Variants in BIRC3 observed in about 807,000 individuals in gnomAD.
BIRC3 encodes the protein baculoviral IAP repeat-containing protein 3.
Under a neutral mutation model 59.0 loss-of-function variants are expected in BIRC3, and 26 were observed. That is an observed-to-expected ratio of 0.44 (90% CI 0.32 to 0.61). BIRC3 has a LOEUF of 0.61. Among genes scored for constraint, BIRC3 ranks in the 20% least tolerant of loss-of-function variants. BIRC3 has a pLI of 0.04. For synonymous variants in BIRC3, 243 were observed against 249.2 expected (o/e 0.98, Z 0.24); for missense variants, 641 against 711.5 (o/e 0.90, Z 1.13).
At chr11:102,335,875 G>C (rs1951190147) in intron 6 of BIRC3, 91 bp from the exon 7 acceptor site, 3 of 1,324,974 alleles carry the variant, frequency 2.3e-6, no homozygotes, top group Non-Finnish European at 3.1e-6. Flanking sequence ...ACGAATTAAA[G>C]ATAGTTTTTA....
At chr11:102,317,746 A>C (rs1043326892) in intron 1 of BIRC3, among the ~76,000 whole-genome samples, 175 bp downstream of exon 1, 1 of 152,196 alleles carries the variant, frequency 6.6e-6, no homozygotes, top group Admixed American at 6.5e-5. Flanking sequence ...GGGCGCAGTT[A>C]TCAAACACCA....
At chr11:102,335,342 T>G (rs1041970305) in intron 6 of BIRC3, among the ~76,000 whole-genome samples, 1 of 152,248 alleles carries the variant, frequency 6.6e-6, no homozygotes, top group Non-Finnish European at 1.5e-5. Flanking sequence ...CCAATTTGAC[T>G]AGATTGAATT....
In BIRC3 at chr11:102,331,177, A is replaced by G. The variant is rs768244387; in HGVS notation, c.1260A>G (p.Leu420=). Reference sequence around the variant, plus strand: ...TAGTCAATGATCTTGTGTTAGACTTACTCAATGCAGAAGATGAAATAAGGG... The same window carrying G: ...TAGTCAATGATCTTGTGTTAGACTTGCTCAATGCAGAAGATGAAATAAGGG... ...YRLVNDLVLD[L]LNAEDEIREE... Residue 420 remains leucine (L), a synonymous_variant, in exon 6 of 9, where the codon TTA becomes TTG. Transcript: ENST00000263464. 3 of 1,613,766 alleles carry G rather than the reference A, an allele frequency of 1.9e-6. No individual in the cohort carries two copies. The highest frequency in any genetic ancestry group is 2.5e-6 in the Non-Finnish European group (3 of 1,179,830).
In BIRC3 at chr11:102,324,337, G is replaced by A; in HGVS notation, c.-173G>A. On this transcript the variant is annotated 5_prime_UTR_variant, in exon 2 of 9. Transcript: ENST00000263464. ...TGTATTTCTTCCTTAAAATGTATCA[G>A]TATAGGATTTAGAATCTCCATGTTG... 3.1e-6 allele frequency: 2 copies of A among 638,944 alleles called. No homozygotes were observed. Among genetic ancestry groups the A allele is most frequent in the Non-Finnish European group, 5.1e-6 (2 of 393,906 alleles). 39.6% of individuals were successfully genotyped at this position (638,944 alleles called of 1,614,324 possible). A position where few individuals can be genotyped will look rare whatever the true frequency, so the allele number is the denominator to read the frequency against.
At position 102,323,170 on chromosome 11, in the gene BIRC3, C is replaced by G. The variant is rs1401486028; in HGVS notation, c.-1340C>G. 1 of 199,438 alleles carries G rather than the reference C, an allele frequency of 5.0e-6. No homozygotes were observed. 12.4% of individuals were successfully genotyped at this position (199,438 alleles called of 1,614,324 possible). On this transcript the variant is annotated 5_prime_UTR_variant, in exon 2 of 9. Coordinates refer to ENST00000263464, the MANE Select transcript of BIRC3 (RefSeq NM_001165.5). ...TCAGGAGGTGATAAGTTGAATAACT[C>G]TACAATGTTAGTTCTTTGAGGGGGA...
intron 5 of BIRC3, 86 bp from the exon 6 acceptor site, chr11:102,330,912 CT>C (rs1951131237): frequency 1.5e-6 from 2 of 1,335,816 alleles, no homozygotes; most frequent in Non-Finnish European, 2.0e-6. Context: ...ATTATAAAAC[CT>C]TTCAATTTTT....
At chr11:102,332,879 T>C (rs1951158419) in intron 6 of BIRC3, among the ~76,000 whole-genome samples, 1 of 152,228 alleles carries the variant, frequency 6.6e-6, no homozygotes, top group African/African-American at 2.4e-5. Flanking sequence ...ATGTCCTTCC[T>C]GTAGCCTTCT....
At chr11:102,325,417 G>A in intron 2 of BIRC3, 49 bp from the exon 3 acceptor site, 1 of 1,591,846 alleles carries the variant, frequency 6.3e-7, no homozygotes, top group East Asian at 2.2e-5. Flanking sequence ...ATACATTTTA[G>A]TGGGCAAATT....
At chr11:102,334,582 C>G (rs1199289219) in intron 6 of BIRC3, among the ~76,000 whole-genome samples, 1 of 152,112 alleles carries the variant, frequency 6.6e-6, no homozygotes, top group East Asian at 1.9e-4. Context: ...ATCTAACAAT[C>G]CTCTCTCCCA....
Position 102,337,445 on chromosome 11 carries a change from C to T in BIRC3, c.*343C>T, listed in dbSNP as rs1951208296. The T allele has an allele frequency of 2.5e-6, 1 of 400,020 alleles. No individual in the cohort carries two copies. The highest frequency in any genetic ancestry group is 4.4e-6 in the Non-Finnish European group (1 of 227,544). 24.8% of individuals were successfully genotyped at this position (400,020 alleles called of 1,614,324 possible). A position where few individuals can be genotyped will look rare whatever the true frequency, so the allele number is the denominator to read the frequency against. ...TAAATATTTTGGCATTGTACTAATA[C>T]CGGGAACATGAAGCCAGGTGTGGTG... On this transcript the variant is annotated 3_prime_UTR_variant, in exon 9 of 9. Transcript: ENST00000263464.
chr11:102,330,941 C>A, intron 5 of BIRC3, 58 bp from the exon 6 acceptor site: 2 of 1,457,478 alleles, frequency 1.4e-6, no homozygotes, highest in South Asian at 1.5e-5. Context: ...TTTCAAATTT[C>A]AATTTTTAAG....
intron 3 of BIRC3, chr11:102,326,626 A>C (rs920648961): frequency 6.9e-5 from 30 of 436,848 alleles, no homozygotes; most frequent in Admixed American, 1.9e-4. Context: ...CACTGGCAAC[A>C]AGCTGCACTG....
chr11:102,317,763 A>T, intron 1 of BIRC3, among the ~76,000 whole-genome samples, 192 bp downstream of exon 1: 1 of 152,210 alleles, frequency 6.6e-6, no homozygotes, highest in East Asian at 1.9e-4. Context: ...ACCAGGGCCC[A>T]AAAGCAGGCT....
intron 1 of BIRC3, among the ~76,000 whole-genome samples, chr11:102,320,942 A>T (rs1951025694): frequency 6.6e-6 from 1 of 152,262 alleles, no homozygotes; most frequent in South Asian, 2.1e-4. Flanking sequence ...GCAGGACTAT[A>T]GGCCCAGTGT....
chr11:102,324,654 A>C lies in BIRC3; in HGVS notation c.145A>C (p.Ser49Arg), dbSNP rs1272544210. 6.2e-7 allele frequency: 1 copy of C among 1,614,194 alleles called. No individual in the cohort carries two copies. The highest frequency in any genetic ancestry group is 1.7e-5 in the Admixed American group (1 of 60,020). Reference sequence around the variant, plus strand: ...TGCTGGGGTTCCTGTCTCAGAAAGGAGTCTTGCTCGTGCTGGTTTCTATTA... The same window carrying C: ...TGCTGGGGTTCCTGTCTCAGAAAGGCGTCTTGCTCGTGCTGGTTTCTATTA... ...FPAGVPVSER[S>R]LARAGFYYTG... The change falls in exon 2 of 9, where the codon AGT becomes CGT. Residue 49 changes from serine to arginine, a missense_variant. Physicochemically the swap from Ser to Arg is moderately radical, Grantham distance 110 (BLOSUM62 -1). Around this residue, in one of 4 missense-constraint regions of BIRC3, gnomAD observed 329 missense variants for 365.6 expected, o/e 0.90. Coordinates refer to ENST00000263464, the MANE Select transcript of BIRC3 (RefSeq NM_001165.5).
In BIRC3 at chr11:102,339,298, G is replaced by A. The variant is rs2135795046; in HGVS notation, c.*2196G>A. 1.1e-5 allele frequency: 2 copies of A among 183,998 alleles called. No individual in the cohort carries two copies. The highest frequency in any genetic ancestry group is 3.9e-3 in the Middle Eastern group (2 of 516). The allele number at this position is 183,998 out of a possible 1,614,324, so 11.4% of individuals were successfully genotyped here. ...AAAACTTTTGTTCATTTCTCATTAT[G>A]GTAATAAATAGCTATTATAACCAAC... is the stretch of plus-strand genomic sequence containing the variant. On this transcript the variant is annotated 3_prime_UTR_variant, in exon 9 of 9. Coordinates refer to ENST00000263464, the MANE Select transcript of BIRC3 (RefSeq NM_001165.5).
intron 1 of BIRC3, among the ~76,000 whole-genome samples, chr11:102,321,099 C>G (rs1951027049): frequency 6.6e-6 from 1 of 152,188 alleles, no homozygotes; most frequent in East Asian, 1.9e-4. Flanking sequence ...GGATTAAATT[C>G]AAATGAGGCA....
At chr11:102,336,483 A>G (rs1434734249) in intron 7 of BIRC3, 1 of 557,882 alleles carries the variant, frequency 1.8e-6, no homozygotes, top group Non-Finnish European at 3.1e-6. Context: ...AATCCCAGCT[A>G]CTCAAGAGGA....
Position 102,322,776 on chromosome 11 carries a change from G to C in BIRC3, c.-1734G>C, listed in dbSNP as rs1951043977. 1.3e-5 allele frequency: 1 copy of C among 78,836 alleles called. No homozygotes were observed. The highest frequency in any genetic ancestry group is 3.1e-4 in the East Asian group (1 of 3,226). The allele number at this position is 78,836 out of a possible 1,614,324, so 4.9% of individuals were successfully genotyped here. ...AGGAAACCATGCTTGCAAACCACTG[G>C]TAAAAAAAAAAAAAAAAAAAAAAAA... On this transcript the variant is annotated 5_prime_UTR_variant, in exon 2 of 9. Coordinates refer to ENST00000263464, the MANE Select transcript of BIRC3 (RefSeq NM_001165.5).
Sources: gnomAD v4.1 joint callset for allele counts (sites outside exome capture counted in the v4.1 genomes callset) on GRCh38, gnomAD v4.1.1 for gene constraint, gnomAD v4.1.1 regional missense constraint, MANE v1.5 for transcripts, NCBI Gene and HGNC (gene_info 2026-07-23, HGNC 2026-07-21) for gene names.